YEATS2: variants seen among roughly 807,000 people sequenced by gnomAD.
YEATS2 encodes the protein YEATS domain containing 2.
YEATS2 carries 77 observed loss-of-function variants against 163.2 expected under a neutral mutation model. That is an observed-to-expected ratio of 0.47 (90% CI 0.39 to 0.57). The LOEUF is 0.57. Ranked by LOEUF, YEATS2 falls within the 20% of genes least tolerant of loss-of-function variation. YEATS2 has a pLI of 0.00. For missense variants in YEATS2, 1,549 were observed against 1,729.8 expected (o/e 0.90, Z 1.85); for synonymous variants, 631 against 645.1 (o/e 0.98, Z 0.33).
At position 183,800,586 on chromosome 3, in the gene YEATS2, T is replaced by C. The variant is rs1210727992; in HGVS notation, c.3428+18T>C. The C allele has an allele frequency of 1.9e-6, 3 of 1,604,404 alleles. No homozygotes were observed. The highest frequency in any genetic ancestry group is 1.3e-5 in the African/African-American group (1 of 74,814). ...GTCATTAAGTAATTCTTCCAATCTT[T>C]CCTAAAGGAATTCCGCTTCGGGTGT... On this transcript the variant is annotated intron_variant, in intron 24 of 30. Transcript: ENST00000305135.
At position 183,804,088 on chromosome 3, in the gene YEATS2, C is replaced by T; in HGVS notation, c.3684C>T (p.His1228=). The T allele has an allele frequency of 6.2e-7, 1 of 1,614,180 alleles. No homozygotes were observed. The highest frequency in any genetic ancestry group is 8.5e-7 in the Non-Finnish European group (1 of 1,180,034). The change falls in exon 27 of 31, where the codon CAC becomes CAT. Residue 1228 remains histidine (H), a synonymous_variant. Coordinates refer to ENST00000305135, the MANE Select transcript of YEATS2 (RefSeq NM_018023.5). ...CCCTCAAAACCAAGCACATCGCTCACTGGTGCCGCTGTCATGGCTACACCC... is the reference window on the plus strand; with the variant it reads ...CCCTCAAAACCAAGCACATCGCTCATTGGTGCCGCTGTCATGGCTACACCC... ...LTPLKTKHIA[H]WCRCHGYTPP...
At chr3:183,702,727 C>T (rs1577021385) in intron 1 of YEATS2, among the ~76,000 whole-genome samples, 1 of 147,696 alleles carries the variant, frequency 6.8e-6, no homozygotes, top group African/African-American at 2.5e-5. Flanking sequence ...CACAGCTACT[C>T]GGAGGCTGAG....
chr3:183,758,958 C>T lies in YEATS2; in HGVS notation c.1649C>T (p.Thr550Ile), dbSNP rs754170081. 1.2e-5 allele frequency: 19 copies of T among 1,561,916 alleles called. No individual in the cohort carries two copies. Among genetic ancestry groups the T allele is most frequent in the Admixed American group, 2.0e-5 (1 of 49,564 alleles). Residue 550 changes from threonine to isoleucine, a missense_variant, in exon 13 of 31, where the codon ACT becomes ATT. Thr to Ile is a moderately conservative substitution (Grantham distance 89, BLOSUM62 -1). Coordinates refer to ENST00000305135, the MANE Select transcript of YEATS2 (RefSeq NM_018023.5). ...CATGGAAGTAGTTTTGTAACATCTA[C>T]TGTCAAGGTAACATTCTTACTGCGT... ...KIHGSSFVTSTVKQEDSLFAS... is the reference protein window; with the variant it reads ...KIHGSSFVTSIVKQEDSLFAS...
intron 1 of YEATS2, among the ~76,000 whole-genome samples, chr3:183,714,743 CTGTG>C (rs1297641269): frequency 6.6e-6 from 1 of 152,124 alleles, no homozygotes; most frequent in Non-Finnish European, 1.5e-5. Context: ...TTCTAAGACA[CTGTG>C]TGGGCTAACC....
intron 1 of YEATS2, among the ~76,000 whole-genome samples, chr3:183,705,972 G>A (rs1019022469): frequency 2.8e-4 from 42 of 151,704 alleles, no homozygotes; most frequent in Non-Finnish European, 5.1e-4. Context: ...CCGGGAGGCG[G>A]AGCTTGTAGT....
chr3:183,773,672 A>C lies in YEATS2; in HGVS notation c.2246A>C (p.Asn749Thr), dbSNP rs760188313. 3 of 1,611,758 alleles carry C rather than the reference A, an allele frequency of 1.9e-6. No homozygotes were observed. Among genetic ancestry groups the C allele is most frequent in the East Asian group, 2.2e-5 (1 of 44,722 alleles). ...TLQLPATNLA[N>T]LANLPPGTKL... ...CAGCTACCAGCCACTAATTTGGCCA[A>C]CTTGGCAAATTTGCCTCCTGGCACT... The change falls in exon 17 of 31, where the codon AAC becomes ACC. Residue 749 changes from asparagine to threonine, a missense_variant. Coordinates refer to ENST00000305135, the MANE Select transcript of YEATS2 (RefSeq NM_018023.5).
intron 11 of YEATS2, among the ~76,000 whole-genome samples, chr3:183,754,691 AC>A (rs751589565): frequency 3.3e-5 from 5 of 152,166 alleles, no homozygotes; most frequent in African/African-American, 7.2e-5. Flanking sequence ...ATACATGGAA[AC>A]CACAGTGACT....
chr3:183,720,695 C>T (rs1444754293), intron 4 of YEATS2, among the ~76,000 whole-genome samples: 1 of 152,074 alleles, frequency 6.6e-6, no homozygotes, highest in Non-Finnish European at 1.5e-5. Flanking sequence ...CTAGGGCTAC[C>T]ATAACAAATT....
At chr3:183,804,471 ATCCATC>A (rs1560338217) in intron 27 of YEATS2, among the ~76,000 whole-genome samples, 1 of 152,100 alleles carries the variant, frequency 6.6e-6, no homozygotes, top group Non-Finnish European at 1.5e-5. Flanking sequence ...AAGACTCCTA[ATCCATC>A]TCCTTTCCTG....
At chr3:183,725,563 A>G (rs1717001324) in intron 6 of YEATS2, among the ~76,000 whole-genome samples, 1 of 152,258 alleles carries the variant, frequency 6.6e-6, no homozygotes, top group African/African-American at 2.4e-5. Flanking sequence ...AAGTGGAGGC[A>G]GGCAAGAGAG....
chr3:183,798,214 G>A (rs531590561), intron 22 of YEATS2, among the ~76,000 whole-genome samples, 163 bp downstream of exon 22: 12 of 152,302 alleles, frequency 7.9e-5, no homozygotes, highest in East Asian at 1.9e-4. Context: ...TATTCCCAGC[G>A]CCTTGAATGC....
chr3:183,732,872 T>C lies in YEATS2; in HGVS notation c.813-3846T>C, dbSNP rs373169064. Among the ~76,000 whole-genome samples the C allele has an allele frequency of 1.4e-4, 22 of 151,904 alleles. 1 individual carries two copies. Among genetic ancestry groups the C allele is most frequent in the Admixed American group, 9.2e-4 (14 of 15,270 alleles). ...CTGCACCCGGCCAATTTTGTTTATT[T>C]TTTTAGAGATAAGAGTCTTGCTCTG... On this transcript the variant is annotated intron_variant, in intron 7 of 30. Transcript: ENST00000305135.
intron 6 of YEATS2, among the ~76,000 whole-genome samples, chr3:183,727,319 T>G (rs528418393): frequency 6.6e-6 from 1 of 152,224 alleles, no homozygotes; most frequent in South Asian, 2.1e-4. Context: ...ACTATTAACT[T>G]CTTTATGCCA....
At position 183,810,342 on chromosome 3, in the gene YEATS2, C is replaced by T. The variant is rs1726672541; in HGVS notation, c.4161-133C>T. The T allele has an allele frequency of 2.6e-5, 19 of 738,908 alleles. No individual in the cohort carries two copies. In the South Asian group the frequency reaches 3.3e-4, roughly 13 times the overall value. The allele number at this position is 738,908 out of a possible 1,614,324, so 45.8% of individuals were successfully genotyped here. A position where few individuals can be genotyped will look rare whatever the true frequency, so the allele number is the denominator to read the frequency against. The stretch of plus-strand genomic sequence containing the variant: ...GTCCTCACCCCAGAGTGGCCCTAAG[C>T]TATGTCTGTGGCTCAGGAGCCCTCT... On this transcript the variant is annotated intron_variant, in intron 30 of 30. Coordinates refer to ENST00000305135, the MANE Select transcript of YEATS2 (RefSeq NM_018023.5).
At chr3:183,804,317 C>T (rs1268937090) in intron 27 of YEATS2, 129 bp downstream of exon 27, 3 of 1,094,414 alleles carry the variant, frequency 2.7e-6, no homozygotes, top group African/African-American at 1.6e-5. Context: ...CCGTGTCCTT[C>T]GTGGGACCGT....
intron 6 of YEATS2, among the ~76,000 whole-genome samples, chr3:183,726,055 G>T (rs75595471): frequency 0.027 from 4,113 of 151,820 alleles, 196 homozygotes; most frequent in African/African-American, 0.095. Flanking sequence ...TATTATCCTG[G>T]TGTTACAGTA....
chr3:183,756,427 C>A, intron 11 of YEATS2, 101 bp from the exon 12 acceptor site: 2 of 1,169,196 alleles, frequency 1.7e-6, no homozygotes, highest in Non-Finnish European at 2.4e-6. Flanking sequence ...AATTTGTTAC[C>A]TTTGTCCTGG....
At chr3:183,723,955 G>A (rs1716801300) in intron 5 of YEATS2, among the ~76,000 whole-genome samples, 1 of 152,042 alleles carries the variant, frequency 6.6e-6, no homozygotes, top group Non-Finnish European at 1.5e-5. Flanking sequence ...AACTTAACAT[G>A]TTTTATACAA....
intron 20 of YEATS2, among the ~76,000 whole-genome samples, chr3:183,788,772 G>T (rs143087437): frequency 6.6e-6 from 1 of 152,146 alleles, no homozygotes; most frequent in Non-Finnish European, 1.5e-5. Flanking sequence ...AGCAGTGTAC[G>T]AGGGTTCCCT....
Sources: gnomAD v4.1 joint callset for allele counts (sites outside exome capture counted in the v4.1 genomes callset) on GRCh38, gnomAD v4.1.1 for gene constraint, MANE v1.5 for transcripts, NCBI Gene and HGNC (gene_info 2026-07-23, HGNC 2026-07-21) for gene names.